Variants in DYSF observed in about 807,000 individuals in gnomAD.
DYSF encodes the protein dystrophy-associated fer-1-like 1.
A neutral mutation model predicts 274.9 loss-of-function variants in DYSF; 212 were observed. The ratio of observed to expected loss-of-function variants is 0.77; its 90% CI spans 0.69 to 0.86. The LOEUF (loss-of-function observed/expected upper bound fraction) is 0.86, where lower values mean the gene tolerates loss of function less well. Ranked by LOEUF, DYSF falls within the 40% of genes least tolerant of loss-of-function variation. The pLI, the probability that DYSF is intolerant of heterozygous loss-of-function variation, is 0.00. For synonymous variants in DYSF, 1,091 were observed against 1,078.7 expected (o/e 1.01, Z -0.22); for missense variants, 2,666 against 2,783.2 (o/e 0.96, Z 0.95).
intron 14 of DYSF, among the ~76,000 whole-genome samples, chr2:71,532,011 G>A (rs911943416): frequency 1.3e-5 from 2 of 152,118 alleles, no homozygotes; most frequent in African/African-American, 4.8e-5. Flanking sequence ...GGTTCATGGT[G>A]ACCTTATAGA....
At chr2:71,551,576 C>T (rs554801206) in intron 18 of DYSF, 31 bp from the exon 19 acceptor site, 3 of 1,574,560 alleles carry the variant, frequency 1.9e-6, no homozygotes, top group South Asian at 2.3e-5. Context: ...CTCTGTCTCC[C>T]CTGCTCCTTG....
chr2:71,599,151 C>T (rs903902979), intron 33 of DYSF, among the ~76,000 whole-genome samples: 1 of 152,212 alleles, frequency 6.6e-6, no homozygotes, highest in Non-Finnish European at 1.5e-5. Context: ...GGAGCCCAGA[C>T]ACCCACACAG....
rs575920691 is a variant in DYSF at position 71,665,214 on chromosome 2, C to T, written c.5227C>T (p.Leu1743Phe). ...DQLRPSQLLH[L>F]FCQQHRVKAP... The stretch of plus-strand genomic sequence containing the variant: ...GCTCCGCCCCTCCCAGCTCCTCCAC[C>T]TCTTCTGCCAGCAGCATAGAGTCAA... The change falls in exon 47 of 56, where the codon CTC (leucine) becomes TTC (phenylalanine). Residue 1743 changes from leucine (L) to phenylalanine (F), a missense_variant. By Grantham distance (22) the Leu-to-Phe change is conservative. This residue lies in a region of DYSF where 1,460 missense variants were observed against 1,502.1 expected (regional missense o/e 0.97). Transcript: ENST00000410020. The T allele has an allele frequency of 4.0e-5, 65 of 1,614,098 alleles. No homozygotes were observed. In the South Asian group the frequency reaches 6.7e-4, roughly 17 times the overall value.
chr2:71,517,113 C>A (rs2086738698), intron 10 of DYSF, 74 bp downstream of exon 10: 3 of 1,369,998 alleles, frequency 2.2e-6, no homozygotes, highest in Admixed American at 1.7e-5. Context: ...GGACCATGGG[C>A]AGGGGCTCCA....
At position 71,542,988 on chromosome 2, in the gene DYSF, G is replaced by C. The variant is rs954606386; in HGVS notation, c.1576+3749G>C. On this transcript the variant is annotated intron_variant, in intron 17 of 55. Transcript: ENST00000410020. The stretch of plus-strand genomic sequence containing the variant: ...CCCTACCTCCCGGACGGGGCAGCTG[G>C]CCGGACGGGGGCTGCCCCCCACCTC... Among the ~76,000 whole-genome samples, 21 of 148,796 alleles carry C rather than the reference G, an allele frequency of 1.4e-4. No homozygotes were observed. In the East Asian group the frequency reaches 2.6e-3, roughly 18 times the overall value.
At chr2:71,683,519 G>T (rs1341797271) in intron 55 of DYSF, among the ~76,000 whole-genome samples, 1 of 152,232 alleles carries the variant, frequency 6.6e-6, no homozygotes, top group Non-Finnish European at 1.5e-5. Flanking sequence ...AAATTTAAAA[G>T]AAATCTTTTT....
chr2:71,590,683 C>T (rs1008440248), intron 32 of DYSF, among the ~76,000 whole-genome samples: 2 of 152,180 alleles, frequency 1.3e-5, no homozygotes, highest in Admixed American at 6.5e-5. Context: ...CACCTTCACT[C>T]ACCTCAGTTC....
intron 1 of DYSF, among the ~76,000 whole-genome samples, chr2:71,457,440 GCTATCTAC>G (rs1306323703): frequency 6.6e-6 from 1 of 152,144 alleles, no homozygotes; most frequent in East Asian, 1.9e-4. Flanking sequence ...TAACCACTCT[GCTATCTAC>G]CTCTGGCTTT....
chr2:71,551,490 G>A, intron 18 of DYSF, 117 bp from the exon 19 acceptor site: 1 of 859,572 alleles, frequency 1.2e-6, no homozygotes, highest in Non-Finnish European at 1.9e-6. Flanking sequence ...GATGAGGTTG[G>A]CTGAGGGACC....
At chr2:71,468,877 C>T (rs2081745754) in intron 1 of DYSF, among the ~76,000 whole-genome samples, 1 of 152,224 alleles carries the variant, frequency 6.6e-6, no homozygotes, top group Non-Finnish European at 1.5e-5. Flanking sequence ...TGTCCCAGTG[C>T]TGAGCACAAG....
chr2:71,613,317 G>A lies in DYSF; in HGVS notation c.4388-17G>A, dbSNP rs1228239502. 18 of 1,608,372 alleles carry A rather than the reference G, an allele frequency of 1.1e-5. No homozygotes were observed. Among genetic ancestry groups the A allele is most frequent in the Non-Finnish European group, 1.4e-5 (17 of 1,177,358 alleles). ...GAGAGAGCCCCTCTCAGGCCTGGATGGCTCCCTCCCCTGCAGACGATGTGA... is the reference window on the plus strand; with the variant it reads ...GAGAGAGCCCCTCTCAGGCCTGGATAGCTCCCTCCCCTGCAGACGATGTGA... On this transcript the variant is annotated splice_polypyrimidine_tract_variant and intron_variant, in intron 39 of 55. Transcript: ENST00000410020.
chr2:71,617,875 G>A lies in DYSF; in HGVS notation c.4465-2672G>A, dbSNP rs972614849. 1.6e-3 allele frequency among the ~76,000 whole-genome samples: 69 copies of A among 43,572 alleles called. 1 individual carries two copies. Among genetic ancestry groups the A allele is most frequent in the East Asian group, 2.9e-3 (3 of 1,018 alleles). 28.6% of individuals were successfully genotyped at this position (43,572 alleles called of 152,430 possible). A position where few individuals can be genotyped will look rare whatever the true frequency, so the allele number is the denominator to read the frequency against. On this transcript the variant is annotated intron_variant, in intron 40 of 55. Transcript: ENST00000410020. ...GATGGGGTGTGTGTGTGTGGTAGAG[G>A]TGGGGTGTGTGTGGTAGAGGTGTGT...
chr2:71,633,509 G>A (rs1484475774), intron 41 of DYSF, among the ~76,000 whole-genome samples: 1 of 152,148 alleles, frequency 6.6e-6, no homozygotes, highest in South Asian at 2.1e-4. Context: ...AACTTTACAG[G>A]TTACAGCATA....
At chr2:71,567,916 G>A (rs2092201166) in intron 24 of DYSF, 35 bp from the exon 25 acceptor site, 1 of 1,611,924 alleles carries the variant, frequency 6.2e-7, no homozygotes, top group African/African-American at 1.3e-5. Flanking sequence ...GATCCTGAAG[G>A]GGACTGTGGG....
chr2:71,618,706 AT>A (rs1298488344), intron 40 of DYSF, among the ~76,000 whole-genome samples: 1 of 134,994 alleles, frequency 7.4e-6, no homozygotes, highest in African/African-American at 2.8e-5. Context: ...CGTGGTAGAG[AT>A]GGTGTGTGTG....
At position 71,574,524 on chromosome 2, in the gene DYSF, G is replaced by C. The variant is rs540775858; in HGVS notation, c.3402+153G>C. Among the ~76,000 whole-genome samples, 7 of 152,346 alleles carry C rather than the reference G, an allele frequency of 4.6e-5. No individual in the cohort carries two copies. In the South Asian group the frequency reaches 1.4e-3, roughly 32 times the overall value. ...TCCTGGCGTCAGTACCTGTGGGGTGGCATGTGGGGAAAGCAGCCCCAGTCT... is the reference window on the plus strand; with the variant it reads ...TCCTGGCGTCAGTACCTGTGGGGTGCCATGTGGGGAAAGCAGCCCCAGTCT... On this transcript the variant is annotated intron_variant, in intron 30 of 55. Coordinates refer to ENST00000410020, the MANE Select transcript of DYSF (RefSeq NM_001130987.2).
At chr2:71,457,027 G>A (rs1188205272) in intron 1 of DYSF, among the ~76,000 whole-genome samples, 2 of 152,172 alleles carry the variant, frequency 1.3e-5, no homozygotes, top group African/African-American at 2.4e-5. Flanking sequence ...GGTTTCAAAT[G>A]CGTGTTCCTC....
chr2:71,522,030 C>T (rs932215840), intron 12 of DYSF, among the ~76,000 whole-genome samples: 3 of 151,870 alleles, frequency 2.0e-5, no homozygotes, highest in Non-Finnish European at 4.4e-5. Flanking sequence ...GCTGCATTAT[C>T]CCACCACCTC....
At chr2:71,650,431 A>G (rs1258547071) in intron 42 of DYSF, among the ~76,000 whole-genome samples, 1 of 152,180 alleles carries the variant, frequency 6.6e-6, no homozygotes, top group Non-Finnish European at 1.5e-5. Flanking sequence ...CAGTGAGCCA[A>G]GATGGTGCCA....
Sources: allele counts gnomAD v4.1 joint callset (sites outside exome capture counted in the v4.1 genomes callset), GRCh38; gene constraint gnomAD v4.1.1; regional missense constraint gnomAD v4.1.1; transcripts MANE v1.5; gene names NCBI Gene and HGNC (gene_info 2026-07-23, HGNC 2026-07-21).